The following UBE2K variants were observed in gnomAD, a reference collection of about 807,000 sequenced individuals.
UBE2K encodes the protein ubiquitin-conjugating enzyme E2 K.
A neutral mutation model predicts 30.0 loss-of-function variants in UBE2K; 6 were observed. The ratio of observed to expected loss-of-function variants is 0.20; its 90% confidence interval spans 0.11 to 0.39. The LOEUF (loss-of-function observed/expected upper bound fraction) is 0.39. Among genes scored for constraint, UBE2K ranks in the 10% least tolerant of loss-of-function variants. UBE2K has a pLI of 1.00. For synonymous variants in UBE2K, 86 were observed against 83.7 expected, an observed-to-expected ratio of 1.03 and a Z score of -0.15; for missense variants, 61 against 241.6, an observed-to-expected ratio of 0.25 and a Z score of 4.96.
intron 1 of UBE2K, among the ~76,000 whole-genome samples, chr4:39,705,194 GTTTTTTT>G (rs57314034): frequency 9.3e-6 from 1 of 107,446 alleles, no homozygotes; most frequent in East Asian, 2.9e-4. Context: ...CTGCACCTGG[GTTTTTTT>G]TTTTTTTTTT....
chr4:39,719,838 G>A (rs1335154448), intron 1 of UBE2K, among the ~76,000 whole-genome samples: 3 of 152,158 alleles, frequency 2.0e-5, no homozygotes, highest in African/African-American at 7.2e-5. Context: ...CCTCCTATTA[G>A]ACATTCAGTT....
intron 1 of UBE2K, among the ~76,000 whole-genome samples, chr4:39,732,556 TG>T (rs1720129902): frequency 7.0e-6 from 1 of 143,208 alleles, no homozygotes; most frequent in African/African-American, 3.0e-5. Flanking sequence ...TTGACAATAA[TG>T]TTTTTTTTAT....
At chr4:39,728,468 A>G (rs1314032008) in intron 1 of UBE2K, among the ~76,000 whole-genome samples, 2 of 152,158 alleles carry the variant, frequency 1.3e-5, no homozygotes, top group Non-Finnish European at 2.9e-5. Flanking sequence ...AAAGCGATGT[A>G]TTAGGTATTA....
At chr4:39,713,285 A>G (rs1044737718) in intron 1 of UBE2K, among the ~76,000 whole-genome samples, 1 of 39,370 alleles carries the variant, frequency 2.5e-5, no homozygotes, top group African/African-American at 1.5e-4. Flanking sequence ...TTCTGTAGGA[A>G]ATTTTTTTTT....
intron 2 of UBE2K, among the ~76,000 whole-genome samples, chr4:39,741,225 C>G (rs867569878): frequency 6.6e-6 from 1 of 151,350 alleles, no homozygotes; most frequent in East Asian, 2.0e-4. Flanking sequence ...GAGCTGAGAT[C>G]GCACCACTGC....
intron 1 of UBE2K, among the ~76,000 whole-genome samples, chr4:39,725,230 A>T (rs756880785): frequency 6.6e-6 from 1 of 151,906 alleles, no homozygotes; most frequent in Non-Finnish European, 1.5e-5. Flanking sequence ...AGAAAATACA[A>T]ATATTAACCA....
intron 4 of UBE2K, among the ~76,000 whole-genome samples, chr4:39,767,299 G>GTTTTTTTTT (rs71194918): frequency 7.2e-6 from 1 of 139,796 alleles, no homozygotes; most frequent in African/African-American, 2.7e-5. Flanking sequence ...CTTTTTTTCT[G>GTTTTTTTTT]TTTTTTTTTT....
intron 1 of UBE2K, 95 bp from the exon 2 acceptor site, chr4:39,737,325 T>C (rs908058812): frequency 8.2e-6 from 5 of 611,438 alleles, no homozygotes; most frequent in Non-Finnish European, 1.4e-5. Flanking sequence ...ATAATCAAGC[T>C]TATGAAAGAG....
intron 4 of UBE2K, chr4:39,771,280 G>A: frequency 1.9e-6 from 3 of 1,611,744 alleles, no homozygotes; most frequent in Non-Finnish European, 2.5e-6. Context: ...CGGTGAGCAG[G>A]CGGCTAAGAT....
At chr4:39,770,514 C>A (rs1200038429) in intron 4 of UBE2K, 4 of 1,607,588 alleles carry the variant, frequency 2.5e-6, no homozygotes, top group Non-Finnish European at 1.7e-6. Flanking sequence ...GGGTCCCTGG[C>A]TGCCCCCCGC....
intron 1 of UBE2K, among the ~76,000 whole-genome samples, chr4:39,701,586 A>G (rs1320344173): frequency 6.6e-6 from 1 of 152,138 alleles, no homozygotes; most frequent in Non-Finnish European, 1.5e-5. Flanking sequence ...ATATTGTCCC[A>G]CGCTGTCATG....
intron 3 of UBE2K, among the ~76,000 whole-genome samples, chr4:39,751,670 G>T (rs1287584177): frequency 6.6e-6 from 1 of 151,756 alleles, no homozygotes; most frequent in Non-Finnish European, 1.5e-5. Context: ...GTAAGACCCT[G>T]TCTCAAAAAT....
In UBE2K at chr4:39,779,346, G is replaced by A. The variant is rs891557275; in HGVS notation, c.*912G>A. On this transcript the variant is annotated 3_prime_UTR_variant, in exon 7 of 7. Transcript: ENST00000261427. ...AATTTGACACCTATTTTTTAGTGAT[G>A]AAATTTTTCTTTGAGAACTGGCAAG... is the stretch of plus-strand genomic sequence containing the variant. 3.9e-5 allele frequency: 6 copies of A among 152,394 alleles called. No individual in the cohort carries two copies. Among genetic ancestry groups the A allele is most frequent in the Non-Finnish European group, 8.8e-5 (6 of 68,032 alleles). The allele number at this position is 152,394 out of a possible 1,614,324, so 9.4% of individuals were successfully genotyped here.
At chr4:39,765,924 C>T (rs1712296247) in intron 4 of UBE2K, among the ~76,000 whole-genome samples, 1 of 152,028 alleles carries the variant, frequency 6.6e-6, no homozygotes, top group Non-Finnish European at 1.5e-5. Context: ...TACATACATA[C>T]ATACATACAT....
chr4:39,704,697 T>C (rs1257500774), intron 1 of UBE2K, among the ~76,000 whole-genome samples: 1 of 151,932 alleles, frequency 6.6e-6, no homozygotes, highest in African/African-American at 2.4e-5. Context: ...TCTGCCACCA[T>C]GCCCAGCTAA....
intron 1 of UBE2K, among the ~76,000 whole-genome samples, chr4:39,724,664 G>A (rs1028628785): frequency 6.6e-6 from 1 of 151,800 alleles, no homozygotes; most frequent in Non-Finnish European, 1.5e-5. Flanking sequence ...AGCTACTTGG[G>A]GGGGCTGAGG....
intron 2 of UBE2K, among the ~76,000 whole-genome samples, chr4:39,743,169 A>G (rs964851079): frequency 6.6e-6 from 1 of 152,242 alleles, no homozygotes; most frequent in Non-Finnish European, 1.5e-5. Context: ...GAGGAGATAC[A>G]TTTGAGAGAG....
chr4:39,729,802 TA>T (rs1719973387), intron 1 of UBE2K, among the ~76,000 whole-genome samples: 1 of 152,276 alleles, frequency 6.6e-6, no homozygotes, highest in Non-Finnish European at 1.5e-5. Flanking sequence ...TTTCAATTCC[TA>T]AACCTGTCAA....
chr4:39,744,232 G>A (rs1229247354), intron 2 of UBE2K, among the ~76,000 whole-genome samples: 1 of 151,800 alleles, frequency 6.6e-6, no homozygotes, highest in Non-Finnish European at 1.5e-5. Flanking sequence ...TTGTGAAGTG[G>A]CACAATCTGG....
Sources: gnomAD v4.1 joint callset for allele counts (sites outside exome capture counted in the v4.1 genomes callset) on GRCh38, gnomAD v4.1.1 for gene constraint, MANE v1.5 for transcripts, NCBI Gene and HGNC (gene_info 2026-07-23, HGNC 2026-07-21) for gene names.